Variants in CLEC19A observed in about 807,000 individuals in gnomAD.
The protein encoded by CLEC19A is C-type lectin domain family 19 member A.
CLEC19A carries 21 observed loss-of-function variants against 26.1 expected under a neutral mutation model. The observed-to-expected ratio is 0.80, with a 90% CI of 0.57 to 1.16. CLEC19A has a LOEUF of 1.16. CLEC19A is among the 50% of genes most tolerant of loss of function. The pLI, the probability that CLEC19A is intolerant of heterozygous loss-of-function variation, is 0.00. For synonymous variants in CLEC19A, 89 were observed against 88.6 expected (o/e 1.00, Z -0.03); for missense variants, 224 against 227.6 (o/e 0.98, Z 0.10).
chr16:19,305,476 C>T (rs913623596), intron 3 of CLEC19A, among the ~76,000 whole-genome samples: 1 of 152,146 alleles, frequency 6.6e-6, no homozygotes, highest in Non-Finnish European at 1.5e-5. Flanking sequence ...GATTTTTGTC[C>T]TCAAATTTTT....
intron 2 of CLEC19A, chr16:19,303,847 T>C: frequency 2.0e-6 from 1 of 507,474 alleles, no homozygotes; most frequent in Non-Finnish European, 3.6e-6. Flanking sequence ...GTAGCAGTAC[T>C]GAGTCCTTCT....
At chr16:19,289,193 C>T (rs1897531280) in intron 1 of CLEC19A, among the ~76,000 whole-genome samples, 1 of 152,114 alleles carries the variant, frequency 6.6e-6, no homozygotes, top group African/African-American at 2.4e-5. Flanking sequence ...AGCCCGGATC[C>T]TAAAGTGTCC....
intron 3 of CLEC19A, among the ~76,000 whole-genome samples, chr16:19,306,338 G>C (rs1372203736): frequency 1.3e-5 from 2 of 151,194 alleles, no homozygotes; most frequent in Non-Finnish European, 2.9e-5. Flanking sequence ...GTAGAGACAG[G>C]GTCCCACTAT....
chr16:19,308,752 T>C (rs1206685973), intron 4 of CLEC19A, among the ~76,000 whole-genome samples: 2 of 152,214 alleles, frequency 1.3e-5, no homozygotes, highest in Non-Finnish European at 2.9e-5. Context: ...GGAGCCCTCC[T>C]GGAGCCCTGG....
intron 2 of CLEC19A, among the ~76,000 whole-genome samples, chr16:19,299,393 G>A (rs1567254565): frequency 6.6e-6 from 1 of 152,122 alleles, no homozygotes. Flanking sequence ...CTCTGAAAAG[G>A]TAAGTAACTT....
rs75399608 is a variant in CLEC19A at position 19,294,287 on chromosome 16, C to A, written c.89-4386C>A. Among the ~76,000 whole-genome samples, 1,254 of 152,312 alleles carry A rather than the reference C, an allele frequency of 8.2e-3. 22 individuals are homozygous for A. Among genetic ancestry groups the A allele is most frequent in the African/African-American group, 0.028 (1,184 of 41,558 alleles). Reference sequence around the variant, plus strand: ...CATGAACATCTGCAAACATCCTGCTCAAGTTAGACTGGACTTCTAAGGAAG... The same window carrying A: ...CATGAACATCTGCAAACATCCTGCTAAAGTTAGACTGGACTTCTAAGGAAG... On this transcript the variant is annotated intron_variant, in intron 1 of 4. Transcript: ENST00000636231.
chr16:19,298,981 C>T, intron 2 of CLEC19A, 143 bp downstream of exon 2: 1 of 935,980 alleles, frequency 1.1e-6, no homozygotes, highest in South Asian at 1.8e-5. Context: ...CTATGTTGCC[C>T]AGGCCACTCT....
intron 2 of CLEC19A, among the ~76,000 whole-genome samples, chr16:19,302,225 TAATCTGGAATTGATTGGCAATC>T: frequency 6.6e-6 from 1 of 152,192 alleles, no homozygotes. Flanking sequence ...TAAGTGCTTC[TAATCTGGAATTGATTGGCAATC>T]AATTCCACTT....
At chr16:19,289,987 T>C (rs1023034421) in intron 1 of CLEC19A, among the ~76,000 whole-genome samples, 1 of 152,124 alleles carries the variant, frequency 6.6e-6, no homozygotes, top group Non-Finnish European at 1.5e-5. Flanking sequence ...CCCCTGAGCC[T>C]CTCCGCCTCC....
rs1043514798 is a variant in CLEC19A, at chr16:19,298,655, T to C, written c.89-18T>C. On this transcript the variant is annotated intron_variant, in intron 1 of 4. Transcript: ENST00000636231. Reference sequence around the variant, plus strand: ...CACTGCCAACCTTCCTCCCAGTCTGTTTCCTTTCTGCCCCCAGCCCTGCCA... The same window carrying C: ...CACTGCCAACCTTCCTCCCAGTCTGCTTCCTTTCTGCCCCCAGCCCTGCCA... The C allele has an allele frequency of 6.4e-7, 1 of 1,550,414 alleles. No homozygotes were observed. Among genetic ancestry groups the C allele is most frequent in the Non-Finnish European group, 8.7e-7 (1 of 1,146,930 alleles).
intron 2 of CLEC19A, 73 bp downstream of exon 2, chr16:19,298,911 C>A: frequency 7.1e-7 from 1 of 1,409,708 alleles, no homozygotes; most frequent in Non-Finnish European, 9.5e-7. Context: ...AATGGTATTT[C>A]CAACTGGCAT....
intron 1 of CLEC19A, among the ~76,000 whole-genome samples, chr16:19,288,904 T>A (rs2143008426): frequency 6.6e-6 from 1 of 152,302 alleles, no homozygotes; most frequent in South Asian, 2.1e-4. Context: ...AGCCTCTTCC[T>A]CACCCATCCA....
At chr16:19,306,594 C>T (rs1435206994) in intron 3 of CLEC19A, among the ~76,000 whole-genome samples, 2 of 151,618 alleles carry the variant, frequency 1.3e-5, no homozygotes, top group East Asian at 1.9e-4. Flanking sequence ...ATTGAAAGAC[C>T]TAATAATAAT....
chr16:19,302,240 T>G (rs1897850589), intron 2 of CLEC19A, among the ~76,000 whole-genome samples: 1 of 152,178 alleles, frequency 6.6e-6, no homozygotes, highest in Non-Finnish European at 1.5e-5. Context: ...TGGAATTGAT[T>G]GGCAATCAAT....
chr16:19,290,471 G>A (rs564892122), intron 1 of CLEC19A, among the ~76,000 whole-genome samples: 1 of 151,852 alleles, frequency 6.6e-6, no homozygotes, highest in Admixed American at 6.6e-5. Context: ...TGCACACACT[G>A]TGTCCTCCCC....
intron 2 of CLEC19A, among the ~76,000 whole-genome samples, chr16:19,299,678 G>A (rs567992707): frequency 3.2e-4 from 48 of 152,140 alleles, no homozygotes; most frequent in Non-Finnish European, 5.4e-4. Flanking sequence ...TCTCTTCACT[G>A]AAGTTACTTC....
At chr16:19,304,404 A>AG (rs1445339759) in intron 3 of CLEC19A, 1 of 362,450 alleles carries the variant, frequency 2.8e-6, no homozygotes, top group African/African-American at 2.1e-5. Context: ...CTTAAAAAAA[A>AG]AAAAAAAAAG....
chr16:19,290,074 CA>C (rs1421145997), intron 1 of CLEC19A, among the ~76,000 whole-genome samples: 1 of 151,800 alleles, frequency 6.6e-6, no homozygotes, highest in Non-Finnish European at 1.5e-5. Flanking sequence ...GGATTGGGGC[CA>C]GGGGAGCCAG....
chr16:19,296,169 T>C (rs567476481), intron 1 of CLEC19A, among the ~76,000 whole-genome samples: 1 of 152,016 alleles, frequency 6.6e-6, no homozygotes, highest in African/African-American at 2.4e-5. Flanking sequence ...GATGGGGAGG[T>C]ACCCCTGGTC....
Sources: allele counts gnomAD v4.1 joint callset (sites outside exome capture counted in the v4.1 genomes callset), GRCh38; gene constraint gnomAD v4.1.1; transcripts MANE v1.5; gene names NCBI Gene and HGNC (gene_info 2026-07-23, HGNC 2026-07-21).